The following SIRT6 variants were observed in gnomAD, a reference collection of about 807,000 sequenced individuals.
SIRT6 encodes the protein NAD-dependent protein deacylase sirtuin-6.
Under a neutral mutation model 33.6 loss-of-function variants are expected in SIRT6, and 21 were observed. The observed-to-expected ratio is 0.62, with a 90% CI of 0.44 to 0.90. The LOEUF is 0.90. Among genes scored for constraint, SIRT6 ranks in the 40% least tolerant of loss-of-function variants. The probability of loss-of-function intolerance (pLI) is 0.00; values close to 1 mark genes in which losing one functional copy is unlikely to be tolerated. For synonymous variants in SIRT6, 221 were observed against 223.9 expected (o/e 0.99, Z 0.12); for missense variants, 504 against 510.6 (o/e 0.99, Z 0.12).
chr19:4,176,074 C>T (rs902696350), intron 4 of SIRT6, 137 bp from the exon 5 acceptor site: 5 of 668,418 alleles, frequency 7.5e-6, no homozygotes, highest in African/African-American at 5.4e-5. Flanking sequence ...CGACACGGAA[C>T]GAGTAGCCTT....
In SIRT6 at chr19:4,182,535, G is replaced by A; in HGVS notation, c.5C>T (p.Ser2Leu). 1 of 1,610,522 alleles carries A rather than the reference G, an allele frequency of 6.2e-7. No individual in the cohort carries two copies. Among genetic ancestry groups the A allele is most frequent in the Non-Finnish European group, 8.5e-7 (1 of 1,178,754 alleles). ...CGACAGCCCCGCCGCGTAATTCACC[G>A]ACATCCTCGACTGCCCCACGGGAAC... Reference protein sequence around the residue: MSVNYAAGLSPY... With the variant: MLVNYAAGLSPY... The change falls in exon 1 of 8, where the codon TCG becomes TTG. Residue 2 changes from serine to leucine, a missense_variant. Transcript: ENST00000337491.
chr19:4,175,499 C>T (rs1967238547), intron 6 of SIRT6, 181 bp downstream of exon 6: 1 of 646,844 alleles, frequency 1.5e-6, no homozygotes, highest in Non-Finnish European at 2.6e-6. Flanking sequence ...CCACCCAGAG[C>T]CATGAGGTGA....
At position 4,174,855 on chromosome 19, in the gene SIRT6, TC is replaced by T. The variant is rs1161110333; in HGVS notation, c.829del (p.Asp277ThrfsTer72). The T allele has an allele frequency of 1.3e-6, 2 of 1,598,878 alleles. No individual in the cohort carries two copies. Among genetic ancestry groups the T allele is most frequent in the East Asian group, 4.5e-5 (2 of 44,794 alleles). ...KHLGLEIPAW[D>X]GPRVLERALP... ...CGCCCTCTCCAGCACACGGGGGCCG[TC>T]CCAGGCGGGGATCTCCAGCCCCAGG... On this transcript the variant is annotated frameshift_variant, in exon 8 of 8. Transcript: ENST00000337491. LOFTEE classifies it low-confidence loss of function (END_TRUNC). The surrounding 1 kb of genome is among the most constrained non-coding windows in gnomAD (Gnocchi z 4.2).
chr19:4,178,961 G>A, intron 3 of SIRT6, 143 bp downstream of exon 3: 1 of 1,078,740 alleles, frequency 9.3e-7, no homozygotes, highest in Non-Finnish European at 1.3e-6. Flanking sequence ...CTGAGCCATG[G>A]GACTCAGAGA....
chr19:4,175,573 C>T, intron 6 of SIRT6, 107 bp downstream of exon 6: 2 of 1,164,116 alleles, frequency 1.7e-6, no homozygotes, highest in South Asian at 1.6e-5. Context: ...GAAGCCTCCC[C>T]TCACTGCCTG....
Position 4,179,341 on chromosome 19 carries a change from CAG to C in SIRT6, c.195-57_195-56del, listed in dbSNP as rs1967493510. 2.7e-6 allele frequency: 4 copies of C among 1,504,302 alleles called. No homozygotes were observed. The East Asian group carries it at 9.7e-5, about 37-fold the overall frequency. 93.2% of individuals were successfully genotyped at this position (1,504,302 alleles called of 1,614,324 possible). On this transcript the variant is annotated intron_variant, in intron 2 of 7. Coordinates refer to ENST00000337491, the MANE Select transcript of SIRT6 (RefSeq NM_016539.4). ...GGGGAGAGGGGAACAGAAAAAGAGA[CAG>C]AGGGAGAATCAGAGAGGTATAGAGA... is the stretch of plus-strand genomic sequence containing the variant.
chr19:4,179,999 T>C (rs1967529725), intron 2 of SIRT6, among the ~76,000 whole-genome samples: 1 of 151,210 alleles, frequency 6.6e-6, no homozygotes, highest in African/African-American at 2.4e-5. Flanking sequence ...GGCTTCAGCT[T>C]CCAGCACAAG....
At chr19:4,179,462 C>A in intron 2 of SIRT6, 176 bp from the exon 3 acceptor site, 1 of 658,118 alleles carries the variant, frequency 1.5e-6, no homozygotes, top group Non-Finnish European at 2.5e-6. Flanking sequence ...GTTGCAAGAA[C>A]AGGGAGAGGG....
chr19:4,178,813 G>T (rs1487744626), intron 3 of SIRT6, among the ~76,000 whole-genome samples: 1 of 152,140 alleles, frequency 6.6e-6, no homozygotes, highest in African/African-American at 2.4e-5. Flanking sequence ...ACTCCAGCCT[G>T]GGCAACAAGA....
At chr19:4,176,859 A>G (rs1177991697) in intron 4 of SIRT6, among the ~76,000 whole-genome samples, 2 of 150,954 alleles carry the variant, frequency 1.3e-5, no homozygotes, top group Admixed American at 6.6e-5. Flanking sequence ...GGAGGGAGGC[A>G]CGGCCCCCCC....
At position 4,180,831 on chromosome 19, in the gene SIRT6, A is replaced by G. The variant is rs1314510418; in HGVS notation, c.145T>C (p.Phe49Leu). The G allele has an allele frequency of 6.2e-7, 1 of 1,613,558 alleles. No homozygotes were observed. The highest frequency in any genetic ancestry group is 1.3e-5 in the African/African-American group (1 of 74,904). ...GTGCTGATGCCGGCACCCGTGTGGA[A>G]CACCACACTGGAAGACTGCCAGACC... ...RLVWQSSSVV[F>L]HTGAGISTAS... Residue 49 changes from phenylalanine to leucine, a missense_variant, in exon 2 of 8, where the codon TTC becomes CTC. Coordinates refer to ENST00000337491, the MANE Select transcript of SIRT6 (RefSeq NM_016539.4).
intron 2 of SIRT6, among the ~76,000 whole-genome samples, chr19:4,180,399 T>C (rs1286431249): frequency 6.6e-6 from 1 of 151,884 alleles, no homozygotes. Flanking sequence ...TTTGTTTTGT[T>C]TTTAGACGGA....
intron 1 of SIRT6, chr19:4,182,227 C>A (rs555220648): frequency 3.2e-5 from 16 of 499,154 alleles, no homozygotes; most frequent in Non-Finnish European, 5.0e-5. Context: ...TTGCGCCTGT[C>A]GTCCCCTCTT....
At chr19:4,182,367 G>T in intron 1 of SIRT6, 107 bp downstream of exon 1, 1 of 1,185,316 alleles carries the variant, frequency 8.4e-7, no homozygotes, top group East Asian at 2.8e-5. Flanking sequence ...CCCTCCCATT[G>T]TCTAGCCTCA....
At chr19:4,175,992 C>T in intron 4 of SIRT6, 55 bp from the exon 5 acceptor site, 3 of 1,483,172 alleles carry the variant, frequency 2.0e-6, no homozygotes, top group Non-Finnish European at 1.8e-6. Context: ...ATGGGTGACT[C>T]TCGCACTGTT....
intron 3 of SIRT6, 47 bp downstream of exon 3, chr19:4,179,057 T>A (rs534630004): frequency 6.3e-7 from 1 of 1,598,972 alleles, no homozygotes. Flanking sequence ...GCAAACACGG[T>A]TTGTGGGGCC....
chr19:4,178,794 C>T (rs1343097723), intron 3 of SIRT6, among the ~76,000 whole-genome samples: 4 of 152,140 alleles, frequency 2.6e-5, no homozygotes, highest in Admixed American at 6.6e-5. Context: ...GCGGAGATCA[C>T]GCCATTGCAC....
rs764401419 is a variant in SIRT6, at chr19:4,175,118, C to T, written c.648G>A (p.Ser216=). 1.1e-5 allele frequency: 18 copies of T among 1,597,292 alleles called. No homozygotes were observed. Among genetic ancestry groups the T allele is most frequent in the South Asian group, 3.4e-5 (3 of 88,914 alleles). The change falls in exon 7 of 8, where the codon TCG becomes TCA. Residue 216 remains serine (S), a synonymous_variant. Transcript: ENST00000337491. ...NADLSITLGT[S]LQIRPSGNLP... ...GGTTCCCGCTGGGCCGGATCTGCAG[C>T]GATGTACCCAGCGTGATGGACAGGT...
intron 6 of SIRT6, 173 bp downstream of exon 6, chr19:4,175,507 T>C: frequency 3.1e-6 from 2 of 649,212 alleles, no homozygotes; most frequent in Middle Eastern, 4.2e-4. Flanking sequence ...AGCCATGAGG[T>C]GACGAGTGTG....
Sources: gnomAD v4.1 joint callset for allele counts (sites outside exome capture counted in the v4.1 genomes callset) on GRCh38, gnomAD v4.1.1 for gene constraint, Gnocchi (gnomAD v3.1) non-coding constraint, MANE v1.5 for transcripts, NCBI Gene and HGNC (gene_info 2026-07-23, HGNC 2026-07-21) for gene names.